RNF38: variants seen among roughly 807,000 people sequenced by gnomAD.
The protein encoded by RNF38 is E3 ubiquitin-protein ligase RNF38.
In RNF38, 15 loss-of-function variants were observed where a neutral mutation model predicts 67.2. The observed-to-expected ratio is 0.22, with a 90% CI of 0.15 to 0.34. The LOEUF is 0.34. RNF38 is among the 10% of genes least tolerant of loss of function. The probability of loss-of-function intolerance (pLI) is 1.00; values close to 1 mark genes in which losing one functional copy is unlikely to be tolerated. For synonymous variants in RNF38, 220 were observed against 218.8 expected (o/e 1.01, Z -0.05); for missense variants, 524 against 639.9 (o/e 0.82, Z 1.95).
At chr9:36,369,548 A>G (rs566897526) in intron 4 of RNF38, among the ~76,000 whole-genome samples, 171 bp downstream of exon 4, 1 of 152,276 alleles carries the variant, frequency 6.6e-6, no homozygotes, top group Non-Finnish European at 1.5e-5. Flanking sequence ...ACTTTCTTCT[A>G]TGGAAGCTGT....
chr9:36,368,758 T>C (rs1023333041), intron 4 of RNF38, among the ~76,000 whole-genome samples: 3 of 152,020 alleles, frequency 2.0e-5, no homozygotes. Context: ...TCTAGTGCAG[T>C]AGATGAAAAT....
intron 1 of RNF38, among the ~76,000 whole-genome samples, chr9:36,439,135 T>C (rs1461305363): frequency 6.6e-6 from 1 of 152,192 alleles, no homozygotes; most frequent in Non-Finnish European, 1.5e-5. Flanking sequence ...TTTATTGAAA[T>C]AGAACACAAA....
rs1461273870 is a variant in RNF38, at chr9:36,344,850, T to C, written c.1367A>G (p.His456Arg). The change falls in exon 10 of 12, where the codon CAC (histidine) becomes CGC (arginine). Residue 456 changes from histidine (H) to arginine (R), a missense_variant. His to Arg is a conservative substitution (Grantham distance 29, BLOSUM62 0). This residue lies in a region of RNF38 where 63 missense variants were observed against 122.5 expected (regional missense o/e 0.51). Coordinates refer to ENST00000259605, the MANE Select transcript of RNF38 (RefSeq NM_022781.5). ...LPSYRFNPNN[H>R]QSEQTLCVVC... ...TACTTACAAAGTCTGTTCTGACTGGTGGTTGTTAGGATTGAACCGATAAGA... is the reference window on the plus strand; with the variant it reads ...TACTTACAAAGTCTGTTCTGACTGGCGGTTGTTAGGATTGAACCGATAAGA... 6.2e-7 allele frequency: 1 copy of C among 1,613,970 alleles called. No homozygotes were observed. Among genetic ancestry groups the C allele is most frequent in the African/African-American group, 1.3e-5 (1 of 75,056 alleles).
intron 3 of RNF38, 43 bp from the exon 4 acceptor site, chr9:36,369,975 T>C: frequency 6.7e-7 from 1 of 1,495,606 alleles, no homozygotes; most frequent in Non-Finnish European, 9.2e-7. Flanking sequence ...CTTATTGTGA[T>C]CCATCAGGAT....
intron 1 of RNF38, among the ~76,000 whole-genome samples, chr9:36,468,123 T>C (rs1409653332): frequency 6.6e-6 from 1 of 152,088 alleles, no homozygotes; most frequent in Non-Finnish European, 1.5e-5. Context: ...CGCACGCCTG[T>C]TGTCCCTACT....
At chr9:36,400,692 C>T (rs977963621), upstream of RNF38, 9 of 985,862 alleles carry the variant, frequency 9.1e-6, no homozygotes, top group Admixed American at 2.5e-4. Flanking sequence ...CCCGGAACCC[C>T]GGCTCCAACT....
upstream of RNF38, among the ~76,000 whole-genome samples, chr9:36,401,438 A>G (rs1182132442): frequency 6.6e-6 from 1 of 152,194 alleles, no homozygotes; most frequent in African/African-American, 2.4e-5. Context: ...GACCTCACGT[A>G]GTTCTTACAG....
chr9:36,453,684 T>G (rs755567491), intron 1 of RNF38, among the ~76,000 whole-genome samples: 1 of 151,984 alleles, frequency 6.6e-6, no homozygotes. Flanking sequence ...CGCCCGCCAC[T>G]GAGCTAAGTT....
chr9:36,394,321 T>C (rs903774583), intron 1 of RNF38, among the ~76,000 whole-genome samples: 1 of 151,844 alleles, frequency 6.6e-6, no homozygotes, highest in African/African-American at 2.4e-5. Flanking sequence ...GGTAAGACCC[T>C]GGGGGCCCAG....
chr9:36,371,361 C>T (rs1484147288), intron 3 of RNF38, among the ~76,000 whole-genome samples: 2 of 151,226 alleles, frequency 1.3e-5, no homozygotes, highest in African/African-American at 2.4e-5. Context: ...ATTTTTAATA[C>T]AATCCTTTTT....
intron 1 of RNF38, among the ~76,000 whole-genome samples, chr9:36,463,460 C>T (rs762638222): frequency 7.9e-5 from 12 of 152,098 alleles, no homozygotes; most frequent in African/African-American, 1.7e-4. Context: ...ATGATCTAAA[C>T]GTAGGCCTTG....
At chr9:36,464,139 G>A (rs1300008404) in intron 1 of RNF38, among the ~76,000 whole-genome samples, 3 of 151,902 alleles carry the variant, frequency 2.0e-5, no homozygotes, top group Non-Finnish European at 4.4e-5. Context: ...ACTCCAGCCT[G>A]GGCGACAGAG....
intron 6 of RNF38, among the ~76,000 whole-genome samples, chr9:36,354,251 G>A (rs1833925985): frequency 6.6e-6 from 1 of 152,112 alleles, no homozygotes; most frequent in African/African-American, 2.4e-5. Flanking sequence ...GGAGTGCAGT[G>A]GCGCCATCTT....
At chr9:36,477,092 G>C (rs1447879009) in intron 1 of RNF38, among the ~76,000 whole-genome samples, 1 of 152,028 alleles carries the variant, frequency 6.6e-6, no homozygotes, top group Non-Finnish European at 1.5e-5. Flanking sequence ...GGGGGGCTGA[G>C]GCAGGTGGAT....
chr9:36,434,863 A>G, intron 1 of RNF38, among the ~76,000 whole-genome samples: 1 of 152,170 alleles, frequency 6.6e-6, no homozygotes, highest in East Asian at 1.9e-4. Context: ...TTATATCCCA[A>G]GTGGAAAGAA....
chr9:36,444,096 A>G (rs1839251939), intron 1 of RNF38, among the ~76,000 whole-genome samples: 1 of 152,224 alleles, frequency 6.6e-6, no homozygotes. Context: ...AGCAACTACA[A>G]TAATGTTTTC....
chr9:36,440,892 G>C (rs538657152), intron 1 of RNF38, among the ~76,000 whole-genome samples: 3 of 152,166 alleles, frequency 2.0e-5, no homozygotes, highest in Admixed American at 6.5e-5. Context: ...GGTGGATCAC[G>C]AGGTCAGCTT....
chr9:36,487,507 GGCGGCTGCTGAGGCGGCGGCGGCA>G (rs1840448060), exon 1 of RNF38: 1 of 980,974 alleles, frequency 1.0e-6, no homozygotes, highest in Non-Finnish European at 1.2e-6. Context: ...GCGCGGCGGC[GGCGGCTGCTGAGGCGGCGGCGGCA>G]GCGACCGCGG....
chr9:36,359,392 CTTAT>C (rs1485526729), intron 4 of RNF38, among the ~76,000 whole-genome samples: 1 of 151,736 alleles, frequency 6.6e-6, no homozygotes, highest in African/African-American at 2.4e-5. Context: ...TTCCAAAAGA[CTTAT>C]TTTTGTTTAT....
Sources: allele counts gnomAD v4.1 joint callset (sites outside exome capture counted in the v4.1 genomes callset), GRCh38; gene constraint gnomAD v4.1.1; regional missense constraint gnomAD v4.1.1; transcripts MANE v1.5; gene names NCBI Gene and HGNC (gene_info 2026-07-23, HGNC 2026-07-21).